CDH26: variants seen among roughly 807,000 people sequenced by gnomAD.
CDH26 encodes the protein cadherin 26, also known as cadherin-like protein 26.
A neutral mutation model predicts 90.3 loss-of-function variants in CDH26; 83 were observed. The ratio of observed to expected loss-of-function variants is 0.92; its 90% CI spans 0.77 to 1.10. The LOEUF (loss-of-function observed/expected upper bound fraction) is 1.10. Ranked by LOEUF, CDH26 falls within the 50% of genes least tolerant of loss-of-function variation. The pLI is 0.00. For missense variants in CDH26, 1,013 were observed against 1,037.6 expected (o/e 0.98, Z 0.33); for synonymous variants, 397 against 396.3 (o/e 1.00, Z -0.02).
chr20:60,003,927 G>A (rs943868062), intron 16 of CDH26, among the ~76,000 whole-genome samples: 3 of 152,174 alleles, frequency 2.0e-5, no homozygotes, highest in African/African-American at 7.2e-5. Flanking sequence ...AGTCTACCTC[G>A]GGAAGGAGCC....
intron 16 of CDH26, among the ~76,000 whole-genome samples, chr20:60,003,138 A>C (rs2146008597): frequency 6.6e-6 from 1 of 152,304 alleles, no homozygotes. Context: ...TCATAGGCTG[A>C]GTTTTCTGCT....
intron 13 of CDH26, among the ~76,000 whole-genome samples, chr20:59,999,018 T>C (rs750136140): frequency 5.3e-5 from 8 of 152,206 alleles, no homozygotes; most frequent in Non-Finnish European, 8.8e-5. Context: ...CCATGCAAGA[T>C]ATCGTCACTA....
At chr20:59,963,469 G>T (rs2061104202) in intron 1 of CDH26, among the ~76,000 whole-genome samples, 1 of 151,884 alleles carries the variant, frequency 6.6e-6, no homozygotes, top group Non-Finnish European at 1.5e-5. Flanking sequence ...CATAGAACAG[G>T]ATTTAAACTC....
Position 60,008,921 on chromosome 20 carries a change from G to A in CDH26, c.2295+2134G>A, listed in dbSNP as rs567282884. Among the ~76,000 whole-genome samples the A allele has an allele frequency of 7.9e-5, 12 of 152,346 alleles. No individual in the cohort carries two copies. In the South Asian group the frequency reaches 8.3e-4, roughly 11 times the overall value. Reference sequence around the variant, plus strand: ...GCAGGCAAGCCAGGCTCCTGCAGAAGGGGGCTGTGTACCCACAGACTCAGG... The same window carrying A: ...GCAGGCAAGCCAGGCTCCTGCAGAAAGGGGCTGTGTACCCACAGACTCAGG... On this transcript the variant is annotated intron_variant, in intron 17 of 17. Coordinates refer to ENST00000348616, the MANE Select transcript of CDH26 (RefSeq NM_177980.4).
At chr20:60,022,783 T>G (rs1990794617) in intron 7 of CDH26, among the ~76,000 whole-genome samples, 1 of 151,760 alleles carries the variant, frequency 6.6e-6, no homozygotes, top group African/African-American at 2.4e-5. Context: ...AGGAGAAGGA[T>G]AAAGAATTCT....
downstream of CDH26, among the ~76,000 whole-genome samples, chr20:60,035,794 C>T (rs184455645): frequency 6.6e-6 from 1 of 152,204 alleles, no homozygotes; most frequent in East Asian, 1.9e-4. Flanking sequence ...CTCTTCCCCA[C>T]TTTACTTTCT....
At chr20:59,985,175 G>A in intron 7 of CDH26, 46 bp downstream of exon 7, 3 of 1,608,252 alleles carry the variant, frequency 1.9e-6, no homozygotes, top group Non-Finnish European at 2.5e-6. Context: ...AAAACAAGTA[G>A]CCCTTGGGTC....
Position 60,025,180 on chromosome 20 carries a change from C to T in CDH26, c.948-6051C>T, listed in dbSNP as rs554098253. On this transcript the variant is annotated intron_variant, in intron 7 of 8. Coordinates refer to the CDH26 transcript ENST00000370991. The stretch of plus-strand genomic sequence containing the variant: ...GGCACTGTGTTCTGTCATTCATCGT[C>T]GAACTTAATACTAAGTAGCCCCAGT... 1.1e-3 allele frequency among the ~76,000 whole-genome samples: 172 copies of T among 152,298 alleles called. 1 individual carries two copies. Among genetic ancestry groups the T allele is most frequent in the African/African-American group, 3.9e-3 (161 of 41,568 alleles).
At chr20:59,968,633 A>T (rs1395764643) in intron 1 of CDH26, among the ~76,000 whole-genome samples, 2 of 152,214 alleles carry the variant, frequency 1.3e-5, no homozygotes, top group East Asian at 1.9e-4. Context: ...GTGTTATTTT[A>T]CATGTGTACA....
chr20:59,998,666 T>C (rs1010142945), intron 13 of CDH26, among the ~76,000 whole-genome samples: 1 of 152,212 alleles, frequency 6.6e-6, no homozygotes, highest in Non-Finnish European at 1.5e-5. Context: ...AGAAGTGGAA[T>C]TCAACAGACC....
At chr20:59,996,141 C>T (rs1197877053) in intron 12 of CDH26, 87 bp downstream of exon 12, 3 of 1,314,216 alleles carry the variant, frequency 2.3e-6, no homozygotes, top group Admixed American at 2.2e-5. Context: ...GGGTAGGGGA[C>T]AGCGGTGGCA....
chr20:60,004,351 G>A (rs1032586710), intron 16 of CDH26, among the ~76,000 whole-genome samples: 1 of 152,070 alleles, frequency 6.6e-6, no homozygotes, highest in African/African-American at 2.4e-5. Flanking sequence ...AAACCTAAAT[G>A]GTGTAGCCTA....
intron 17 of CDH26, among the ~76,000 whole-genome samples, chr20:60,008,328 C>A (rs1056313703): frequency 2.0e-5 from 3 of 152,124 alleles, no homozygotes; most frequent in African/African-American, 7.2e-5. Flanking sequence ...CTGTCATATG[C>A]CTTTTTATAA....
intron 7 of CDH26, among the ~76,000 whole-genome samples, chr20:60,021,873 C>CACACAT (rs2061957662): frequency 1.9e-5 from 2 of 105,306 alleles, no homozygotes; most frequent in Non-Finnish European, 4.4e-5. Flanking sequence ...CACACACACA[C>CACACAT]ACACACACAC....
At chr20:60,015,446 A>T (rs1367793528), downstream of CDH26, among the ~76,000 whole-genome samples, 3 of 152,158 alleles carry the variant, frequency 2.0e-5, no homozygotes, top group African/African-American at 7.2e-5. Context: ...ACATCTGTTC[A>T]GATCATTTAC....
intron 1 of CDH26, among the ~76,000 whole-genome samples, chr20:59,967,998 TCTTTCTTTCTTTCTTC>T (rs1303231420): frequency 1.5e-5 from 2 of 131,066 alleles, no homozygotes; most frequent in South Asian, 2.4e-4. Flanking sequence ...TTTCTTTCTT[TCTTTCTTTCTTTCTTC>T]CTTTCTCTCT....
chr20:60,034,846 G>T (rs957680730), downstream of CDH26, among the ~76,000 whole-genome samples: 1 of 152,220 alleles, frequency 6.6e-6, no homozygotes, highest in Non-Finnish European at 1.5e-5. Flanking sequence ...GCTTTAACCT[G>T]ATGGTGGAGG....
At chr20:60,024,069 C>T (rs977781318) in intron 7 of CDH26, among the ~76,000 whole-genome samples, 5 of 152,108 alleles carry the variant, frequency 3.3e-5, no homozygotes, top group South Asian at 2.1e-4. Flanking sequence ...AAGAGCTCAC[C>T]GGAAACAAGT....
intron 15 of CDH26, 61 bp downstream of exon 15, chr20:60,001,472 C>G: frequency 6.3e-7 from 1 of 1,583,898 alleles, no homozygotes. Flanking sequence ...CAGTTGGTCC[C>G]CCTGAGAGAG....
Sources: gnomAD v4.1 joint callset for allele counts (sites outside exome capture counted in the v4.1 genomes callset) on GRCh38, gnomAD v4.1.1 for gene constraint, MANE v1.5 for transcripts, NCBI Gene and HGNC (gene_info 2026-07-23, HGNC 2026-07-21) for gene names.